CACTIN: variants seen among roughly 807,000 people sequenced by gnomAD.
CACTIN encodes splicing factor Cactin.
Under a neutral mutation model 84.9 loss-of-function variants are expected in CACTIN, and 20 were observed. The observed-to-expected ratio is 0.24, with a 90% CI of 0.17 to 0.34. CACTIN has a LOEUF of 0.34. Among genes scored for constraint, CACTIN ranks in the 10% least tolerant of loss-of-function variants. The probability of loss-of-function intolerance (pLI) is 1.00; values close to 1 mark genes in which losing one functional copy is unlikely to be tolerated. For synonymous variants in CACTIN, 549 were observed against 467.9 expected (o/e 1.17, Z -2.24); for missense variants, 897 against 1,117.2 (o/e 0.80, Z 2.81).
chr19:3,626,641 TC>T lies in CACTIN; in HGVS notation c.121del (p.Glu41ArgfsTer94). 6.5e-7 allele frequency: 1 copy of T among 1,536,284 alleles called. No individual in the cohort carries two copies. Among genetic ancestry groups the T allele is most frequent in the Non-Finnish European group, 8.7e-7 (1 of 1,150,502 alleles). The stretch of plus-strand genomic sequence containing the variant: ...CCTCCGTCTGCGCCGTCCCTCGTCC[TC>T]CCGGCGCCGTCGGTTTCGCCGCCCA... ...SHGRRNRRRR[E>X]DEGRRRRRRR... On this transcript the variant is annotated frameshift_variant, in exon 1 of 10. Coordinates refer to ENST00000429344, the MANE Select transcript of CACTIN (RefSeq NM_001080543.2). LOFTEE classifies it high-confidence loss of function.
Position 3,612,399 on chromosome 19 carries a change from T to C in CACTIN, c.1801A>G (p.Ser601Gly). The C allele has an allele frequency of 3.1e-6, 5 of 1,596,080 alleles. No homozygotes were observed. The highest frequency in any genetic ancestry group is 4.3e-6 in the Non-Finnish European group (5 of 1,174,180). Reference sequence around the variant, plus strand: ...CGCCGGAAGAAGATGTCCTCGGCGCTCTCGCTGGCGTCTCCTGCGGGCGGG... The same window carrying C: ...CGCCGGAAGAAGATGTCCTCGGCGCCCTCGCTGGCGTCTCCTGCGGGCGGG... Reference protein sequence around the residue: ...QLQVTGDASESAEDIFFRRAK... With the variant: ...QLQVTGDASEGAEDIFFRRAK... The change falls in exon 10 of 10, where the codon AGC becomes GGC. Residue 601 changes from serine (S) to glycine (G), a missense_variant. Physicochemically the swap from Ser to Gly is moderately conservative, Grantham distance 56. Transcript: ENST00000429344.
chr19:3,626,124 C>T (rs1344851044), intron 1 of CACTIN, among the ~76,000 whole-genome samples: 1 of 152,168 alleles, frequency 6.6e-6, no homozygotes, highest in African/African-American at 2.4e-5. Context: ...AGACTGCCAT[C>T]ATCTACTGTC....
Position 3,620,183 on chromosome 19 carries a change from G to A in CACTIN, c.828C>T (p.His276=), listed in dbSNP as rs1206047216. 2.5e-6 allele frequency: 4 copies of A among 1,611,750 alleles called. No homozygotes were observed. The highest frequency in any genetic ancestry group is 3.4e-6 in the Non-Finnish European group (4 of 1,179,708). ...CCTCCTGCTCCTCCCATGTCTTGAAGTGCTCTGCCTCCTTCTCGCGCTGCA... is the reference window on the plus strand; with the variant it reads ...CCTCCTGCTCCTCCCATGTCTTGAAATGCTCTGCCTCCTTCTCGCGCTGCA... ...EMLQREKEAE[H]FKTWEEQEDN... Residue 276 remains histidine (H), a synonymous_variant, in exon 4 of 10, where the codon CAC becomes CAT. Coordinates refer to ENST00000429344, the MANE Select transcript of CACTIN (RefSeq NM_001080543.2).
At chr19:3,621,380 T>C (rs1431974188) in intron 2 of CACTIN, among the ~76,000 whole-genome samples, 1 of 152,022 alleles carries the variant, frequency 6.6e-6, no homozygotes, top group African/African-American at 2.4e-5. Context: ...TTCCAGCAGC[T>C]GTCTGAGAGC....
chr19:3,616,282 G>A (rs1349088622), intron 6 of CACTIN: 1 of 152,258 alleles, frequency 6.6e-6, no homozygotes, highest in Non-Finnish European at 1.5e-5. Flanking sequence ...AAAGCTAGGT[G>A]CACCAAAATC....
chr19:3,612,208 G>A lies in CACTIN; in HGVS notation c.1992C>T (p.Asp664=), dbSNP rs754086361. ...CGATCTTGGGCGGTGGGTTGTCAAAGTCGTAGTGCGTCTGGTTGTACTTGT... is the reference window on the plus strand; with the variant it reads ...CGATCTTGGGCGGTGGGTTGTCAAAATCGTAGTGCGTCTGGTTGTACTTGT... The part of the protein sequence containing the change: ...EWNKYNQTHY[D]FDNPPPKIVQ... The change falls in exon 10 of 10, where the codon GAC becomes GAT. Residue 664 remains aspartate (D), a synonymous_variant. Transcript: ENST00000429344. 1.9e-6 allele frequency: 3 copies of A among 1,613,408 alleles called. No homozygotes were observed. The highest frequency in any genetic ancestry group is 2.5e-6 in the Non-Finnish European group (3 of 1,179,904).
chr19:3,616,072 G>T, intron 6 of CACTIN: 1 of 152,322 alleles, frequency 6.6e-6, no homozygotes. Flanking sequence ...ATGTCTGGAT[G>T]CCTCCCGAAT....
rs571677336 is a variant in CACTIN at position 3,613,149 on chromosome 19, C to T, written c.1695G>A (p.Thr565=). 35 of 1,609,094 alleles carry T rather than the reference C, an allele frequency of 2.2e-5. No individual in the cohort carries two copies. Among genetic ancestry groups the T allele is most frequent in the South Asian group, 1.2e-4 (11 of 91,042 alleles). ...DAGRYSPRLL[T]AHELPLDAHV... ...GCGCGTCCAGTGGCAGCTCGTGCGC[C>T]GTGAGCAGCCGCGGGCTGTACCTGC... The change falls in exon 9 of 10, where the codon ACG becomes ACA. Residue 565 remains threonine (T), a synonymous_variant. Transcript: ENST00000429344.
In CACTIN at chr19:3,614,431, G is replaced by A. The variant is rs189935091; in HGVS notation, c.1321C>T (p.Leu441=). 2,256 of 1,591,656 alleles carry A rather than the reference G, an allele frequency of 1.4e-3. 5 individuals carry two copies. The highest frequency in any genetic ancestry group is 1.8e-3 in the Non-Finnish European group (2,130 of 1,169,210). ...NLDMGYWESL[L]QQLRAHMARA... ...GCCATGTGGGCACGAAGCTGCTGCA[G>A]GAGGCTCTCCCAGTAGCCCATGTCC... The change falls in exon 7 of 10, where the codon CTG becomes TTG. Residue 441 remains leucine, a synonymous_variant. Coordinates refer to ENST00000429344, the MANE Select transcript of CACTIN (RefSeq NM_001080543.2).
Position 3,620,788 on chromosome 19 carries a change from C to T in CACTIN, c.657G>A (p.Lys219=), listed in dbSNP as rs139224809. 2,369 of 1,613,316 alleles carry T rather than the reference C, an allele frequency of 1.5e-3. 1 individual carries two copies. The highest frequency in any genetic ancestry group is 1.8e-3 in the Non-Finnish European group (2,077 of 1,179,868). Residue 219 remains lysine (K), a synonymous_variant, in exon 3 of 10, where the codon AAG becomes AAA. Transcript: ENST00000429344. ...CCTTCTCCTCCAGGTGGCTGATCCC[C>T]TTCTTCTCCAGGGCCTGGAAGCACC... The part of the protein sequence containing the change: ...TFIWNKALEK[K]GISHLEEKEL...
At chr19:3,617,899 G>C (rs1368522504) in intron 6 of CACTIN, among the ~76,000 whole-genome samples, 1 of 152,196 alleles carries the variant, frequency 6.6e-6, no homozygotes, top group Non-Finnish European at 1.5e-5. Context: ...TCCACCTCCG[G>C]GGAACACAAA....
rs1244668540 is a variant in CACTIN at position 3,614,498 on chromosome 19, G to T, written c.1254C>A (p.Phe418Leu). 6.2e-7 allele frequency: 1 copy of T among 1,605,952 alleles called. No individual in the cohort carries two copies. Among genetic ancestry groups the T allele is most frequent in the East Asian group, 2.2e-5 (1 of 44,544 alleles). ...CGCGGATTTTGCCCTCGATGCCCTG[G>T]AAGATGACCTGCAGCTGGTTGTATG... is the stretch of plus-strand genomic sequence containing the variant. ...GKTYNQLQVI[F>L]QGIEGKIRAG... Residue 418 changes from phenylalanine to leucine, a missense_variant, in exon 7 of 10, where the codon TTC becomes TTA. Physicochemically the swap from Phe to Leu is conservative, Grantham distance 22. Around this residue, in one of 8 missense-constraint regions of CACTIN, gnomAD observed 304 missense variants for 444.3 expected, o/e 0.68. Coordinates refer to ENST00000429344, the MANE Select transcript of CACTIN (RefSeq NM_001080543.2).
intron 7 of CACTIN, 104 bp from the exon 8 acceptor site, chr19:3,613,690 G>C (rs1358517706): frequency 2.7e-6 from 4 of 1,467,590 alleles, no homozygotes; most frequent in Non-Finnish European, 3.6e-6. Flanking sequence ...CCCTGAGAAG[G>C]TGGCGAGCAG....
Position 3,614,476 on chromosome 19 carries a change from G to A in CACTIN, c.1276C>T (p.Arg426Cys), listed in dbSNP as rs778381426. The A allele has an allele frequency of 1.2e-5, 19 of 1,601,372 alleles. No individual in the cohort carries two copies. The highest frequency in any genetic ancestry group is 1.7e-5 in the Admixed American group (1 of 58,260). The change falls in exon 7 of 10, where the codon CGC becomes TGC. Residue 426 changes from arginine (R) to cysteine (C), a missense_variant. Arg to Cys is a radical substitution (Grantham distance 180, BLOSUM62 -3). This residue lies in a region of CACTIN where 304 missense variants were observed against 444.3 expected (regional missense o/e 0.68). Coordinates refer to ENST00000429344, the MANE Select transcript of CACTIN (RefSeq NM_001080543.2). ...ATGTCCAGGTTGGGGCCACCAGCGC[G>A]GATTTTGCCCTCGATGCCCTGGAAG... ...VIFQGIEGKI[R>C]AGGPNLDMGY...
In CACTIN at chr19:3,613,294, A is replaced by G. The variant is rs368780790; in HGVS notation, c.1550T>C (p.Val517Ala). Residue 517 changes from valine (V) to alanine (A), a missense_variant, in exon 9 of 10, where the codon GTG becomes GCG. By Grantham distance (64) the Val-to-Ala change is moderately conservative (BLOSUM62 0). This residue lies in a region of CACTIN where 243 missense variants were observed against 239.9 expected (regional missense o/e 1.01). Transcript: ENST00000429344. ...SSEGGPAEAE[V>A]DGATPTEGDG... Reference sequence around the variant, plus strand: ...GCCCTCTGTCGGGGTCGCGCCGTCCACCTCGGCCTCCGCGGGGCCGCCCTC... The same window carrying G: ...GCCCTCTGTCGGGGTCGCGCCGTCCGCCTCGGCCTCCGCGGGGCCGCCCTC... 299 of 1,598,348 alleles carry G rather than the reference A, an allele frequency of 1.9e-4. No homozygotes were observed. Among genetic ancestry groups the G allele is most frequent in the Non-Finnish European group, 2.3e-4 (271 of 1,175,958 alleles).
intron 6 of CACTIN, among the ~76,000 whole-genome samples, chr19:3,617,401 G>C (rs2033125896): frequency 6.6e-6 from 1 of 152,378 alleles, no homozygotes; most frequent in Non-Finnish European, 1.5e-5. Context: ...TGGAAACCAT[G>C]TTGAAAGGAG....
chr19:3,619,484 C>G (rs1434863740), intron 4 of CACTIN, among the ~76,000 whole-genome samples: 1 of 152,136 alleles, frequency 6.6e-6, no homozygotes, highest in Non-Finnish European at 1.5e-5. Flanking sequence ...GGAGGTGGGC[C>G]AGGTGGGAGG....
chr19:3,624,600 T>C (rs1220114895), intron 1 of CACTIN, among the ~76,000 whole-genome samples: 1 of 151,704 alleles, frequency 6.6e-6, no homozygotes, highest in Non-Finnish European at 1.5e-5. Context: ...ACAAGGAGGC[T>C]GTATGGCTGA....
intron 7 of CACTIN, among the ~76,000 whole-genome samples, 181 bp downstream of exon 7, chr19:3,614,216 G>C (rs1301725093): frequency 7.1e-6 from 1 of 141,788 alleles, no homozygotes; most frequent in Admixed American, 6.9e-5. Context: ...ACGGGACTAC[G>C]CGCCCCCCGG....
Sources: allele counts gnomAD v4.1 joint callset (sites outside exome capture counted in the v4.1 genomes callset), GRCh38; gene constraint gnomAD v4.1.1; regional missense constraint gnomAD v4.1.1; transcripts MANE v1.5; gene names NCBI Gene and HGNC (gene_info 2026-07-23, HGNC 2026-07-21).